Variants in NAALADL2 observed in about 807,000 individuals in gnomAD.
The protein encoded by NAALADL2 is inactive N-acetylated-alpha-linked acidic dipeptidase-like protein 2.
Under a neutral mutation model 87.2 loss-of-function variants are expected in NAALADL2, and 76 were observed. The observed-to-expected ratio is 0.87, with a 90% CI of 0.72 to 1.05. The LOEUF is 1.05. Ranked by LOEUF, NAALADL2 falls within the 50% of genes least tolerant of loss-of-function variation. The pLI is 0.00. For synonymous variants in NAALADL2, 354 were observed against 331.0 expected (o/e 1.07, Z -0.75); for missense variants, 1,089 against 945.8 (o/e 1.15, Z -1.99).
At chr3:174,965,025 C>T (rs1742671022) in intron 1 of NAALADL2, among the ~76,000 whole-genome samples, 1 of 151,932 alleles carries the variant, frequency 6.6e-6, no homozygotes, top group Non-Finnish European at 1.5e-5. Context: ...CATTTATTTT[C>T]TCATTATTCC....
At position 175,274,183 on chromosome 3, in the gene NAALADL2, A is replaced by G. The variant is rs139133781; in HGVS notation, c.939+17653A>G. Reference sequence around the variant, plus strand: ...GGGAAGCAAGACACGTCTTTGTGGCAGCAGGCAAGAAGGTGTGTGCAGGGG... The same window carrying G: ...GGGAAGCAAGACACGTCTTTGTGGCGGCAGGCAAGAAGGTGTGTGCAGGGG... On this transcript the variant is annotated intron_variant, in intron 4 of 13. Coordinates refer to ENST00000454872, the MANE Select transcript of NAALADL2 (RefSeq NM_207015.3). Among the ~76,000 whole-genome samples the G allele has an allele frequency of 1.7e-3, 265 of 152,298 alleles. No homozygotes were observed. In the East Asian group the frequency reaches 0.036, roughly 20 times the overall value.
chr3:174,944,327 G>A (rs957356156), intron 1 of NAALADL2, among the ~76,000 whole-genome samples: 2 of 152,174 alleles, frequency 1.3e-5, no homozygotes, highest in Non-Finnish European at 2.9e-5. Context: ...TAGAGCAGCT[G>A]TGCTGTGCTG....
chr3:174,915,535 G>T (rs1734252374), intron 1 of NAALADL2, among the ~76,000 whole-genome samples: 1 of 152,034 alleles, frequency 6.6e-6, no homozygotes, highest in Admixed American at 6.6e-5. Flanking sequence ...TCTATTGATG[G>T]ATATGTTAGA....
At chr3:175,113,508 C>G (rs1724558917) in intron 2 of NAALADL2, among the ~76,000 whole-genome samples, 1 of 151,442 alleles carries the variant, frequency 6.6e-6, no homozygotes, top group Non-Finnish European at 1.5e-5. Context: ...TTGAAAGGTC[C>G]CATATTTTAC....
chr3:174,741,492 A>G (rs1254636690), intron 3 of NAALADL2, among the ~76,000 whole-genome samples: 1 of 151,588 alleles, frequency 6.6e-6, no homozygotes, highest in African/African-American at 2.4e-5. Flanking sequence ...TATTATTATA[A>G]CCTATCCTTG....
chr3:174,699,370 G>A (rs528386392), intron 2 of NAALADL2, among the ~76,000 whole-genome samples: 1 of 149,210 alleles, frequency 6.7e-6, no homozygotes, highest in South Asian at 2.2e-4. Flanking sequence ...GCACGTGCCT[G>A]TAGTCCCAGC....
intron 9 of NAALADL2, among the ~76,000 whole-genome samples, chr3:175,527,426 C>T (rs1157895635): frequency 6.6e-6 from 1 of 152,070 alleles, no homozygotes; most frequent in Non-Finnish European, 1.5e-5. Flanking sequence ...TTTAGTTACT[C>T]AACTAAACCA....
chr3:174,747,783 C>T (rs779330288), intron 3 of NAALADL2, among the ~76,000 whole-genome samples: 12 of 151,890 alleles, frequency 7.9e-5, no homozygotes, highest in Non-Finnish European at 1.5e-4. Context: ...CCAGAAATAC[C>T]ATTTAACCCA....
intron 4 of NAALADL2, among the ~76,000 whole-genome samples, chr3:175,274,493 T>C (rs1364172223): frequency 6.6e-6 from 1 of 152,216 alleles, no homozygotes; most frequent in African/African-American, 2.4e-5. Context: ...TTCAAAACAT[T>C]AGTGAGCTAT....
intron 2 of NAALADL2, among the ~76,000 whole-genome samples, chr3:174,578,489 AAC>A (rs1445449071): frequency 2.0e-5 from 3 of 152,016 alleles, no homozygotes; most frequent in Non-Finnish European, 4.4e-5. Flanking sequence ...TTAAGAAAAA[AAC>A]AGTCAACCTC....
chr3:175,447,224 T>A lies in NAALADL2; in HGVS notation c.1091-5T>A. 2 of 1,569,380 alleles carry A rather than the reference T, an allele frequency of 1.3e-6. No individual in the cohort carries two copies. The highest frequency in any genetic ancestry group is 1.7e-6 in the Non-Finnish European group (2 of 1,161,788). ...GGATTATCTTCCTTTGTCTTTTGAA[T>A]ACAGATGAAAGTTTTAGACAAAGCC... On this transcript the variant is annotated splice_region_variant and splice_polypyrimidine_tract_variant and intron_variant, in intron 5 of 13. Coordinates refer to ENST00000454872, the MANE Select transcript of NAALADL2 (RefSeq NM_207015.3).
chr3:174,473,795 T>A (rs1212793762), intron 1 of NAALADL2, among the ~76,000 whole-genome samples: 2 of 152,176 alleles, frequency 1.3e-5, no homozygotes, highest in African/African-American at 4.8e-5. Context: ...GTTTTCCTGA[T>A]AAATTCGTAT....
At chr3:175,108,411 A>G (rs1034511211) in intron 2 of NAALADL2, among the ~76,000 whole-genome samples, 12 of 152,026 alleles carry the variant, frequency 7.9e-5, no homozygotes, top group Non-Finnish European at 1.5e-5. Context: ...TCATAGAACA[A>G]GAAACAAAAG....
At chr3:175,459,993 G>T in intron 6 of NAALADL2, 1 of 315,688 alleles carries the variant, frequency 3.2e-6, no homozygotes, top group Non-Finnish European at 6.3e-6. Context: ...AATTCTCTAA[G>T]TCATTTCCCT....
At chr3:174,614,988 G>T (rs1720311370) in intron 2 of NAALADL2, among the ~76,000 whole-genome samples, 1 of 152,160 alleles carries the variant, frequency 6.6e-6, no homozygotes, top group Non-Finnish European at 1.5e-5. Context: ...AAACCTAAAA[G>T]CAGTAATTTT....
chr3:174,883,076 C>T (rs1292337517), intron 1 of NAALADL2, among the ~76,000 whole-genome samples: 6 of 151,968 alleles, frequency 3.9e-5, no homozygotes, highest in Admixed American at 3.9e-4. Context: ...AAGCATCCAG[C>T]ATGGGGGAAA....
chr3:175,703,950 A>G (rs1461690794), intron 11 of NAALADL2, among the ~76,000 whole-genome samples: 1 of 152,150 alleles, frequency 6.6e-6, no homozygotes, highest in Admixed American at 6.5e-5. Flanking sequence ...TTCCTTTGGA[A>G]GTTCAGGTCC....
intron 1 of NAALADL2, among the ~76,000 whole-genome samples, chr3:175,049,785 GCT>G (rs769177038): frequency 5.9e-5 from 9 of 152,172 alleles, no homozygotes; most frequent in Non-Finnish European, 7.3e-5. Context: ...CAAGCATTAA[GCT>G]CTCTGGATTC....
chr3:175,677,912 A>G (rs1438546548), intron 11 of NAALADL2, among the ~76,000 whole-genome samples: 1 of 152,166 alleles, frequency 6.6e-6, no homozygotes, highest in Non-Finnish European at 1.5e-5. Flanking sequence ...TCAGGTCTCC[A>G]CTTTACCTGA....
Sources: gnomAD v4.1 joint callset for allele counts (sites outside exome capture counted in the v4.1 genomes callset) on GRCh38, gnomAD v4.1.1 for gene constraint, MANE v1.5 for transcripts, NCBI Gene and HGNC (gene_info 2026-07-23, HGNC 2026-07-21) for gene names.